Variants in SPATS2L observed in about 807,000 individuals in gnomAD.
SPATS2L encodes SPATS2-like protein.
Under a neutral mutation model 59.6 loss-of-function variants are expected in SPATS2L, and 30 were observed. That is an observed-to-expected ratio of 0.50 (90% confidence interval 0.38 to 0.68). The LOEUF (loss-of-function observed/expected upper bound fraction) is 0.68. Ranked by LOEUF, SPATS2L falls within the 30% of genes least tolerant of loss-of-function variation. SPATS2L has a pLI of 0.00. For missense variants in SPATS2L, 615 were observed against 700.0 expected (o/e 0.88, Z 1.37); for synonymous variants, 252 against 263.5 (o/e 0.96, Z 0.42).
intron 6 of SPATS2L, among the ~76,000 whole-genome samples, chr2:200,434,884 G>A (rs1282742665): frequency 2.6e-5 from 4 of 152,194 alleles, no homozygotes; most frequent in African/African-American, 7.2e-5. Flanking sequence ...ACCTAAGATA[G>A]TCAAAACAAT....
chr2:200,455,247 A>G (rs878881124), intron 8 of SPATS2L, among the ~76,000 whole-genome samples: 3 of 152,240 alleles, frequency 2.0e-5, no homozygotes, highest in Admixed American at 2.0e-4. Flanking sequence ...TAAGTCTAAG[A>G]TCATGAAATT....
chr2:200,316,634 T>C lies in SPATS2L; in HGVS notation c.-73+9712T>C, dbSNP rs369138736. Among the ~76,000 whole-genome samples, 3 of 152,320 alleles carry C rather than the reference T, an allele frequency of 2.0e-5. 1 individual carries two copies. The highest frequency in any genetic ancestry group is 1.9e-4 in the East Asian group (1 of 5,184). ...TTCTTGGGTAAACAAGTTTTCACTT[T>C]TGTACTGGGTTCCACCTTGTCTCCT... On this transcript the variant is annotated intron_variant, in intron 1 of 12. Transcript: ENST00000409140.
At chr2:200,320,099 AT>A (rs36121251) in intron 1 of SPATS2L, among the ~76,000 whole-genome samples, 5 of 150,686 alleles carry the variant, frequency 3.3e-5, no homozygotes, top group East Asian at 3.9e-4. Flanking sequence ...CAGTATGTGA[AT>A]TTTTTTTTTA....
chr2:200,374,941 G>C (rs1264636157), intron 2 of SPATS2L, among the ~76,000 whole-genome samples: 5 of 152,164 alleles, frequency 3.3e-5, no homozygotes, highest in Non-Finnish European at 7.4e-5. Flanking sequence ...TCAATCTTTA[G>C]AAAAATGATT....
At chr2:200,380,067 A>T (rs936982209) in intron 2 of SPATS2L, among the ~76,000 whole-genome samples, 1 of 152,188 alleles carries the variant, frequency 6.6e-6, no homozygotes, top group Non-Finnish European at 1.5e-5. Context: ...GCAGAGACCT[A>T]TGAAATGAAA....
intron 8 of SPATS2L, among the ~76,000 whole-genome samples, chr2:200,459,156 C>A (rs1376835819): frequency 6.6e-6 from 1 of 152,188 alleles, no homozygotes; most frequent in Non-Finnish European, 1.5e-5. Flanking sequence ...GCAGGTAATA[C>A]CTTTTCGAAG....
chr2:200,419,368 G>GCCCCATGA lies in SPATS2L; in HGVS notation c.318_325dup (p.Asn109ThrfsTer3). 2 of 1,612,702 alleles carry GCCCCATGA rather than the reference G, an allele frequency of 1.2e-6. No individual in the cohort carries two copies. The highest frequency in any genetic ancestry group is 1.7e-6 in the Non-Finnish European group (2 of 1,179,384). ...CCGCAGCCACCACAGATTCAAAACG[G>GCCCCATGA]CCCCATGAATGGCTGCGAGAAGGAC... On this transcript the variant is annotated frameshift_variant, in exon 6 of 13. Transcript: ENST00000409140. LOFTEE classifies it high-confidence loss of function.
At chr2:200,381,819 C>A (rs2105911419) in intron 2 of SPATS2L, among the ~76,000 whole-genome samples, 1 of 152,254 alleles carries the variant, frequency 6.6e-6, no homozygotes, top group East Asian at 1.9e-4. Flanking sequence ...CATAGTGATG[C>A]AGGATTTTTG....
At chr2:200,441,046 A>G (rs2084662743) in intron 8 of SPATS2L, among the ~76,000 whole-genome samples, 1 of 152,202 alleles carries the variant, frequency 6.6e-6, no homozygotes, top group Non-Finnish European at 1.5e-5. Flanking sequence ...GTAAAACAAA[A>G]CCTCAACAAA....
chr2:200,387,535 C>A (rs1176268970), intron 2 of SPATS2L, among the ~76,000 whole-genome samples: 2 of 152,112 alleles, frequency 1.3e-5, no homozygotes, highest in Admixed American at 6.5e-5. Context: ...GTTAACATTG[C>A]GTATTACCAA....
chr2:200,417,026 G>A (rs969277147), intron 5 of SPATS2L, among the ~76,000 whole-genome samples: 1 of 152,210 alleles, frequency 6.6e-6, no homozygotes, highest in Non-Finnish European at 1.5e-5. Context: ...TTGCTTTCTT[G>A]TCGAGTCACA....
chr2:200,402,169 A>T (rs910511571), intron 3 of SPATS2L, among the ~76,000 whole-genome samples: 3 of 152,232 alleles, frequency 2.0e-5, no homozygotes, highest in Non-Finnish European at 4.4e-5. Flanking sequence ...CCTAACAGGA[A>T]TCCATTTGAT....
chr2:200,439,208 C>T lies in SPATS2L; in HGVS notation c.532C>T (p.Gln178Ter). 3.7e-6 allele frequency: 6 copies of T among 1,613,636 alleles called. No homozygotes were observed. Among genetic ancestry groups the T allele is most frequent in the Non-Finnish European group, 5.1e-6 (6 of 1,179,654 alleles). ...AACAACAGAGAGGTCAGATGGCCTA[C>T]AGTGGTCAGCTGAGCAGCCTTGTAA... Reference protein sequence around the residue: ...HGTTERSDGLQWSAEQPCNPS... With the variant: ...HGTTERSDGL The change falls in exon 7 of 13, where the codon CAG becomes TAG. Residue 178 changes from glutamine to a stop codon, truncating the protein, a stop_gained. Coordinates refer to ENST00000409140, the MANE Select transcript of SPATS2L (RefSeq NM_001100423.2). LOFTEE classifies it high-confidence loss of function.
chr2:200,330,728 C>T (rs915511873), intron 2 of SPATS2L, among the ~76,000 whole-genome samples: 4 of 152,170 alleles, frequency 2.6e-5, no homozygotes, highest in African/African-American at 7.2e-5. Flanking sequence ...AAGGCAACAG[C>T]TTGATGGAAA....
intron 6 of SPATS2L, among the ~76,000 whole-genome samples, chr2:200,434,287 A>G (rs1487105424): frequency 6.6e-6 from 1 of 152,104 alleles, no homozygotes; most frequent in African/African-American, 2.4e-5. Flanking sequence ...TAATAAATAC[A>G]TGGAAACTCT....
intron 2 of SPATS2L, among the ~76,000 whole-genome samples, chr2:200,358,578 C>T (rs559928119): frequency 6.9e-6 from 1 of 144,356 alleles, no homozygotes; most frequent in African/African-American, 2.4e-5. Flanking sequence ...ACTACATACA[C>T]ACAAAGGTGA....
At chr2:200,333,951 C>T (rs1209398490) in intron 2 of SPATS2L, among the ~76,000 whole-genome samples, 4 of 151,986 alleles carry the variant, frequency 2.6e-5, no homozygotes, top group South Asian at 2.1e-4. Flanking sequence ...TGAATAGTGC[C>T]GCAATAAACA....
chr2:200,451,356 T>G (rs2085431933), intron 8 of SPATS2L, among the ~76,000 whole-genome samples: 1 of 152,100 alleles, frequency 6.6e-6, no homozygotes, highest in South Asian at 2.1e-4. Flanking sequence ...CTAATGATGA[T>G]GGTCTCACTC....
intron 6 of SPATS2L, among the ~76,000 whole-genome samples, chr2:200,428,002 C>T (rs114923002): frequency 9.3e-4 from 140 of 150,478 alleles, no homozygotes; most frequent in Middle Eastern, 3.4e-3. Flanking sequence ...AGCTGGGGGT[C>T]GAGGCCACAG....
Sources: allele counts gnomAD v4.1 joint callset (sites outside exome capture counted in the v4.1 genomes callset), GRCh38; gene constraint gnomAD v4.1.1; transcripts MANE v1.5; gene names NCBI Gene and HGNC (gene_info 2026-07-23, HGNC 2026-07-21).